The following DHX57 variants were observed in gnomAD, a reference collection of about 807,000 sequenced individuals.
The protein encoded by DHX57 is putative ATP-dependent RNA helicase DHX57.
A neutral mutation model predicts 156.2 loss-of-function variants in DHX57; 105 were observed. That is an observed-to-expected ratio of 0.67 (90% CI 0.57 to 0.79). DHX57 has a LOEUF of 0.79. Among genes scored for constraint, DHX57 ranks in the 30% least tolerant of loss-of-function variants. The pLI is 0.00. For synonymous variants in DHX57, 704 were observed against 595.6 expected (o/e 1.18, Z -2.65); for missense variants, 1,847 against 1,661.9 (o/e 1.11, Z -1.94).
chr2:38,871,026 C>G (rs1665328435), intron 1 of DHX57, among the ~76,000 whole-genome samples: 1 of 152,150 alleles, frequency 6.6e-6, no homozygotes, highest in Non-Finnish European at 1.5e-5. Context: ...AGACCCGCCT[C>G]ACAAGAAATA....
At chr2:38,807,894 C>T (rs1246156766) in intron 21 of DHX57, among the ~76,000 whole-genome samples, 2 of 150,806 alleles carry the variant, frequency 1.3e-5, no homozygotes, top group Admixed American at 6.6e-5. Context: ...GATCTACTTC[C>T]CTCTGTCTCC....
At position 38,854,989 on chromosome 2, in the gene DHX57, C is replaced by A. The variant is rs766133869; in HGVS notation, c.1905+68G>T. Reference sequence around the variant, plus strand: ...CCCAAATTGCCCATGAATCTCCTAACCCCCAAAACTTTTTATACCTAAAAA... The same window carrying A: ...CCCAAATTGCCCATGAATCTCCTAAACCCCAAAACTTTTTATACCTAAAAA... On this transcript the variant is annotated intron_variant, in intron 8 of 23. Transcript: ENST00000457308. The A allele has an allele frequency of 1.9e-6, 3 of 1,573,262 alleles. No individual in the cohort carries two copies. The Admixed American group carries it at 5.0e-5, about 26-fold the overall frequency.
chr2:38,842,434 T>G (rs1672056793), intron 12 of DHX57, among the ~76,000 whole-genome samples: 1 of 152,202 alleles, frequency 6.6e-6, no homozygotes, highest in Admixed American at 6.5e-5. Flanking sequence ...TATAATTGTA[T>G]CAGTGTTAAA....
chr2:38,856,779 CTT>C (rs78524199), intron 6 of DHX57: 324 of 157,360 alleles, frequency 2.1e-3, no homozygotes, highest in South Asian at 6.6e-3. Flanking sequence ...GGGATTACAG[CTT>C]TTTTTTTTTT....
rs762305779 is a variant in DHX57, at chr2:38,826,640, C to A, written c.2689G>T (p.Ala897Ser). The A allele has an allele frequency of 6.2e-7, 1 of 1,614,130 alleles. No homozygotes were observed. Among genetic ancestry groups the A allele is most frequent in the Admixed American group, 1.7e-5 (1 of 60,016 alleles). ...CCTGCAGGAGGTTTTACAAACACAG[C>A]CTGCTGCTCTTCACTGGATAAAGAT... is the stretch of plus-strand genomic sequence containing the variant. ...HSSLSSEEQQ[A>S]VFVKPPAGVT... The change falls in exon 15 of 24, where the codon GCT becomes TCT. Residue 897 changes from alanine to serine, a missense_variant. Ala to Ser is a moderately conservative substitution (Grantham distance 99, BLOSUM62 1). Transcript: ENST00000457308.
chr2:38,861,824 T>G lies in DHX57; in HGVS notation c.586A>C (p.Thr196Pro). The stretch of plus-strand genomic sequence containing the variant: ...CTCAGGACCGCTTGACAGCGTTCAG[T>G]ATTGAAACCATACCTGTCAAGGGCA... ...VQKLSRYGFN[T>P]ERCQAVLRMC... The change falls in exon 5 of 24, where the codon ACT becomes CCT. Residue 196 changes from threonine to proline, a missense_variant. Transcript: ENST00000457308. 1.9e-6 allele frequency: 3 copies of G among 1,599,414 alleles called. No homozygotes were observed. Among genetic ancestry groups the G allele is most frequent in the Non-Finnish European group, 2.6e-6 (3 of 1,172,446 alleles).
rs1441799318 is a variant in DHX57 at position 38,858,740 on chromosome 2, A to C, written c.1508T>G (p.Ile503Ser). ...NESYVNLKKKISKRYDWQAKS... is the reference protein window; with the variant it reads ...NESYVNLKKKSSKRYDWQAKS... ...TGCCTGCCAGTCATATCTTTTGGAA[A>C]TCTTTTTCTTAAGGTTCACATAGCT... is the stretch of plus-strand genomic sequence containing the variant. The change falls in exon 6 of 24, where the codon ATT becomes AGT. Residue 503 changes from isoleucine (I) to serine (S), a missense_variant. Transcript: ENST00000457308. 2 of 1,613,978 alleles carry C rather than the reference A, an allele frequency of 1.2e-6. No individual in the cohort carries two copies. The highest frequency in any genetic ancestry group is 1.7e-6 in the Non-Finnish European group (2 of 1,180,008).
chr2:38,867,813 C>T (rs750551144), intron 2 of DHX57, among the ~76,000 whole-genome samples: 2 of 152,196 alleles, frequency 1.3e-5, no homozygotes, highest in Non-Finnish European at 2.9e-5. Flanking sequence ...ACACCTGGGC[C>T]TCCCAAAGTG....
chr2:38,852,906 A>T (rs1023461021), intron 9 of DHX57: 2 of 153,172 alleles, frequency 1.3e-5, no homozygotes, highest in East Asian at 3.8e-4. Flanking sequence ...TCCCTGTGCT[A>T]CTTTCCCCTT....
intron 12 of DHX57, among the ~76,000 whole-genome samples, chr2:38,841,707 G>C (rs1672014864): frequency 6.6e-6 from 1 of 152,320 alleles, no homozygotes; most frequent in African/African-American, 2.4e-5. Context: ...AAAGGAGCAA[G>C]AAGGACAGCT....
At chr2:38,843,470 A>G (rs1405950706) in intron 11 of DHX57, among the ~76,000 whole-genome samples, 2 of 152,186 alleles carry the variant, frequency 1.3e-5, no homozygotes, top group African/African-American at 4.8e-5. Flanking sequence ...ACATTCAGAA[A>G]ACACATTTGA....
intron 19 of DHX57, 51 bp from the exon 20 acceptor site, chr2:38,815,706 T>C: frequency 1.2e-6 from 2 of 1,610,368 alleles, no homozygotes; most frequent in Non-Finnish European, 1.7e-6. Context: ...TAACAAAGTG[T>C]TAAGTCTTAC....
rs773321718 is a variant in DHX57, at chr2:38,823,277, G to A, written c.3015-8C>T. The A allele has an allele frequency of 6.2e-7, 1 of 1,607,126 alleles. No homozygotes were observed. Among genetic ancestry groups the A allele is most frequent in the Non-Finnish European group, 8.5e-7 (1 of 1,174,594 alleles). ...ATCTCTAAAATTTTAATTCTGAAAA[G>A]GAAACAAAATAATAATTTGTCAATT... On this transcript the variant is annotated splice_polypyrimidine_tract_variant and splice_region_variant and intron_variant, in intron 16 of 23. Coordinates refer to ENST00000457308, the MANE Select transcript of DHX57 (RefSeq NM_198963.3).
chr2:38,843,362 C>T, intron 11 of DHX57, 152 bp from the exon 12 acceptor site: 1 of 775,890 alleles, frequency 1.3e-6, no homozygotes, highest in South Asian at 1.8e-5. Flanking sequence ...CTGGCTGTAC[C>T]CTATTTCTGG....
At chr2:38,831,014 C>A (rs1362342411) in intron 13 of DHX57, among the ~76,000 whole-genome samples, 1 of 151,862 alleles carries the variant, frequency 6.6e-6, no homozygotes, top group Admixed American at 6.6e-5. Flanking sequence ...GCTGCAGTGA[C>A]CCGTGATCAT....
chr2:38,835,160 T>G (rs1293888943), intron 13 of DHX57, among the ~76,000 whole-genome samples: 1 of 152,152 alleles, frequency 6.6e-6, no homozygotes, highest in African/African-American at 2.4e-5. Flanking sequence ...GAGAAATGTA[T>G]CTGCCTGAAA....
At chr2:38,808,740 CATTAT>C (rs962441743) in intron 21 of DHX57, among the ~76,000 whole-genome samples, 12 of 152,042 alleles carry the variant, frequency 7.9e-5, no homozygotes, top group African/African-American at 2.7e-4. Context: ...ACAGCACCAG[CATTAT>C]ATTATTTATT....
intron 13 of DHX57, among the ~76,000 whole-genome samples, chr2:38,836,254 C>T (rs918652572): frequency 2.0e-5 from 3 of 152,014 alleles, no homozygotes; most frequent in Admixed American, 6.6e-5. Flanking sequence ...TTGCAATGAG[C>T]GTGCCTGCCT....
intron 22 of DHX57, among the ~76,000 whole-genome samples, chr2:38,805,272 G>T (rs1196839864): frequency 6.6e-6 from 1 of 152,160 alleles, no homozygotes; most frequent in African/African-American, 2.4e-5. Context: ...TCCTTTCCAG[G>T]CTTTGTGAAC....
Sources: gnomAD v4.1 joint callset for allele counts (sites outside exome capture counted in the v4.1 genomes callset) on GRCh38, gnomAD v4.1.1 for gene constraint, MANE v1.5 for transcripts, NCBI Gene and HGNC (gene_info 2026-07-23, HGNC 2026-07-21) for gene names.